The following MPDZ variants were observed in gnomAD, a reference collection of about 807,000 sequenced individuals.
MPDZ encodes the protein multiple PDZ domain protein.
MPDZ carries 234 observed loss-of-function variants against 239.1 expected under a neutral mutation model. That is an observed-to-expected ratio of 0.98 (90% confidence interval 0.88 to 1.09). The LOEUF (loss-of-function observed/expected upper bound fraction) is 1.09, where lower values mean the gene tolerates loss of function less well. MPDZ is among the 50% of genes least tolerant of loss of function. The pLI is 0.00. For missense variants in MPDZ, 3,175 were observed against 2,510.0 expected (o/e 1.26, Z -5.66); for synonymous variants, 1,048 against 881.3 (o/e 1.19, Z -3.35).
intron 38 of MPDZ, 105 bp from the exon 39 acceptor site, chr9:13,119,754 G>T: frequency 7.4e-7 from 1 of 1,348,806 alleles, no homozygotes; most frequent in South Asian, 1.2e-5. Context: ...TTGTTTTTAT[G>T]ACTTTAAAAG....
chr9:13,219,840 G>T (rs574855271), intron 7 of MPDZ, 72 bp from the exon 8 acceptor site: 3 of 1,441,456 alleles, frequency 2.1e-6, no homozygotes, highest in East Asian at 4.8e-5. Context: ...AAATGAGAAG[G>T]GATTAATTTT....
In MPDZ at chr9:13,193,191, G is replaced by A. The variant is rs1274975468; in HGVS notation, c.1779C>T (p.Leu593=). The A allele has an allele frequency of 1.3e-6, 2 of 1,592,790 alleles. No homozygotes were observed. Among genetic ancestry groups the A allele is most frequent in the Admixed American group, 3.4e-5 (2 of 58,682 alleles). Reference sequence around the variant, plus strand: ...CTTCCAATAGCTCGTCTCCACTGAAGAGCTTCCCGCTGTGTCCAACAGGAC... The same window carrying A: ...CTTCCAATAGCTCGTCTCCACTGAAAAGCTTCCCGCTGTGTCCAACAGGAC... ...PEGPVGHSGK[L]FSGDELLEVN... The change falls in exon 14 of 47, where the codon CTC becomes CTT. Residue 593 remains leucine (L), a synonymous_variant. Coordinates refer to ENST00000319217, the MANE Select transcript of MPDZ (RefSeq NM_001378778.1).
At chr9:13,250,187 A>T in intron 2 of MPDZ, 113 bp downstream of exon 2, 1 of 983,070 alleles carries the variant, frequency 1.0e-6, no homozygotes, top group Non-Finnish European at 1.5e-6. Flanking sequence ...AAAACTTTTT[A>T]AATCTAGATA....
chr9:13,251,753 G>C (rs1226051328), intron 1 of MPDZ, among the ~76,000 whole-genome samples: 2 of 152,326 alleles, frequency 1.3e-5, no homozygotes, highest in East Asian at 1.9e-4. Context: ...TGTGATAAGA[G>C]AGAACAGTAC....
rs1332016807 is a variant in MPDZ, at chr9:13,121,950, A to G, written c.5038-18T>C. On this transcript the variant is annotated intron_variant, in intron 37 of 46. Coordinates refer to ENST00000319217, the MANE Select transcript of MPDZ (RefSeq NM_001378778.1). ...CCATTCACCTGTACAGAAATGGGAC[A>G]CTGACTGTAAGGAACATGAGAAGTA... is the stretch of plus-strand genomic sequence containing the variant. 15 of 1,608,910 alleles carry G rather than the reference A, an allele frequency of 9.3e-6. No homozygotes were observed. The highest frequency in any genetic ancestry group is 1.3e-5 in the Non-Finnish European group (15 of 1,176,272).
intron 39 of MPDZ, among the ~76,000 whole-genome samples, chr9:13,115,641 T>C (rs557312581): frequency 6.6e-6 from 1 of 152,042 alleles, no homozygotes; most frequent in African/African-American, 2.4e-5. Context: ...CTAATTTTGA[T>C]AGGACAAACA....
At chr9:13,116,642 C>T (rs764400153) in intron 39 of MPDZ, among the ~76,000 whole-genome samples, 15 of 152,074 alleles carry the variant, frequency 9.9e-5, no homozygotes, top group Admixed American at 3.3e-4. Flanking sequence ...CAAGTCCATA[C>T]GTTATTCACT....
In MPDZ at chr9:13,143,542, AGCAAGGAAG is replaced by A; in HGVS notation, c.3755_3763del (p.Pro1252_Leu1254del). ...GTTGTACTTAGGGTAAAGGTTGTGCAGCAAGGAAGGCAAAGGGGATTTCTAAAAGGAAAC... is the reference window on the plus strand; with the variant it reads ...GTTGTACTTAGGGTAAAGGTTGTGCAGCAAAGGGGATTTCTAAAAGGAAAC... On this transcript the variant is annotated inframe_deletion, in exon 27 of 47. Coordinates refer to ENST00000319217, the MANE Select transcript of MPDZ (RefSeq NM_001378778.1). 6.2e-7 allele frequency: 1 copy of A among 1,613,092 alleles called. No homozygotes were observed. The highest frequency in any genetic ancestry group is 8.5e-7 in the Non-Finnish European group (1 of 1,179,182).
At chr9:13,179,687 AATAT>A in intron 19 of MPDZ, among the ~76,000 whole-genome samples, 1 of 152,308 alleles carries the variant, frequency 6.6e-6, no homozygotes, top group Non-Finnish European at 1.5e-5. Context: ...AGTCTATATT[AATAT>A]GTGACTTCAC....
At chr9:13,119,674 A>T (rs1244747772) in intron 38 of MPDZ, 25 bp from the exon 39 acceptor site, 2 of 1,613,616 alleles carry the variant, frequency 1.2e-6, no homozygotes, top group Non-Finnish European at 1.7e-6. Context: ...GAATTTCAAC[A>T]TTATCTTTTG....
intron 3 of MPDZ, among the ~76,000 whole-genome samples, chr9:13,240,156 C>T (rs1157219128): frequency 6.6e-6 from 1 of 151,952 alleles, no homozygotes; most frequent in Non-Finnish European, 1.5e-5. Context: ...ATCAGTCCCA[C>T]ATTTCTAGGA....
At chr9:13,111,957 T>C in intron 43 of MPDZ, 67 bp downstream of exon 43, 2 of 1,555,592 alleles carry the variant, frequency 1.3e-6, no homozygotes, top group South Asian at 2.4e-5. Flanking sequence ...GGTAGCCAGG[T>C]TCAAAGGTTT....
intron 12 of MPDZ, among the ~76,000 whole-genome samples, chr9:13,200,195 G>C (rs1956214312): frequency 6.6e-6 from 1 of 151,770 alleles, no homozygotes. Context: ...AAGTGTCCAG[G>C]AATTTACCCA....
At chr9:13,249,346 C>T (rs1481535956) in intron 2 of MPDZ, among the ~76,000 whole-genome samples, 1 of 152,110 alleles carries the variant, frequency 6.6e-6, no homozygotes, top group East Asian at 1.9e-4. Context: ...TCTATATTTG[C>T]CCTTTCCTTT....
At chr9:13,193,000 G>A (rs1955150894) in intron 14 of MPDZ, among the ~76,000 whole-genome samples, 167 bp downstream of exon 14, 1 of 152,148 alleles carries the variant, frequency 6.6e-6, no homozygotes, top group African/African-American at 2.4e-5. Flanking sequence ...TGTACACACA[G>A]ATACACAGAT....
chr9:13,192,335 TA>T, intron 14 of MPDZ, 40 bp from the exon 15 acceptor site: 1 of 1,513,658 alleles, frequency 6.6e-7, no homozygotes, highest in Non-Finnish European at 9.0e-7. Context: ...CAACACTTCA[TA>T]ATATGAACAT....
intron 4 of MPDZ, 58 bp downstream of exon 4, chr9:13,224,314 TGA>T (rs1446062977): frequency 3.0e-5 from 42 of 1,396,226 alleles, no homozygotes; most frequent in Non-Finnish European, 3.6e-5. Context: ...ATCCATAACT[TGA>T]TCACATTCTT....
chr9:13,109,131 C>T, intron 45 of MPDZ, 72 bp from the exon 46 acceptor site: 1 of 1,130,942 alleles, frequency 8.8e-7, no homozygotes, highest in South Asian at 3.9e-5. Context: ...TATGAATTAT[C>T]TGACATCCAC....
chr9:13,254,193 T>C lies in MPDZ; in HGVS notation c.-57-3821A>G, dbSNP rs78930929. 6.8e-4 allele frequency among the ~76,000 whole-genome samples: 104 copies of C among 152,302 alleles called. 2 individuals are homozygous for C. The East Asian group carries it at 0.019, about 27-fold the overall frequency. ...GAATAGACTGTTGTAGATAGTCAAA[T>C]TAGCCAACTGTTCAGACAAGGTATG... On this transcript the variant is annotated intron_variant, in intron 1 of 46. Coordinates refer to ENST00000319217, the MANE Select transcript of MPDZ (RefSeq NM_001378778.1).
Sources: allele counts gnomAD v4.1 joint callset (sites outside exome capture counted in the v4.1 genomes callset), GRCh38; gene constraint gnomAD v4.1.1; transcripts MANE v1.5; gene names NCBI Gene and HGNC (gene_info 2026-07-23, HGNC 2026-07-21).